The following CRIM1 variants were observed in gnomAD, a reference collection of about 807,000 sequenced individuals.
CRIM1 encodes cysteine rich transmembrane BMP regulator 1.
In CRIM1, 32 loss-of-function variants were observed where a neutral mutation model predicts 116.4. That is an observed-to-expected ratio of 0.27 (90% confidence interval 0.21 to 0.37). The LOEUF (loss-of-function observed/expected upper bound fraction) is 0.37, where lower values mean the gene tolerates loss of function less well. Among genes scored for constraint, CRIM1 ranks in the 10% least tolerant of loss-of-function variants. The pLI is 1.00. For synonymous variants in CRIM1, 590 were observed against 509.2 expected, an observed-to-expected ratio of 1.16 and a Z score of -2.13; for missense variants, 1,331 against 1,354.8, an observed-to-expected ratio of 0.98 and a Z score of 0.28.
chr2:36,417,743 T>C (rs1411628149), intron 2 of CRIM1, among the ~76,000 whole-genome samples: 1 of 152,162 alleles, frequency 6.6e-6, no homozygotes, highest in African/African-American at 2.4e-5. Context: ...CTCAAGAGGC[T>C]TCCAGTTTTC....
intron 2 of CRIM1, among the ~76,000 whole-genome samples, chr2:36,404,540 A>G (rs1672647508): frequency 6.6e-6 from 1 of 152,164 alleles, no homozygotes; most frequent in African/African-American, 2.4e-5. Flanking sequence ...GCATTTATTC[A>G]TGTATTCATT....
At chr2:36,372,173 TG>T (rs1483147508) in intron 1 of CRIM1, among the ~76,000 whole-genome samples, 1 of 152,004 alleles carries the variant, frequency 6.6e-6, no homozygotes, top group East Asian at 1.9e-4. Context: ...AACCTGAGGG[TG>T]GAAGTGTGTG....
chr2:36,514,540 C>G (rs774345349), intron 11 of CRIM1, among the ~76,000 whole-genome samples: 2 of 152,168 alleles, frequency 1.3e-5, no homozygotes, highest in Non-Finnish European at 2.9e-5. Flanking sequence ...GATTGACTGT[C>G]TTACCAAGAG....
chr2:36,470,171 G>C (rs1260387737), intron 5 of CRIM1, among the ~76,000 whole-genome samples: 2 of 152,176 alleles, frequency 1.3e-5, no homozygotes, highest in African/African-American at 2.4e-5. Context: ...CCTGAGTTTT[G>C]AAAACACTAG....
At chr2:36,390,930 C>T (rs1326790508) in intron 1 of CRIM1, among the ~76,000 whole-genome samples, 2 of 151,676 alleles carry the variant, frequency 1.3e-5, no homozygotes, top group Admixed American at 1.3e-4. Context: ...ATGCCTCAGC[C>T]TCCCAATTAG....
chr2:36,456,797 G>A (rs1027718533), intron 4 of CRIM1, among the ~76,000 whole-genome samples: 11 of 151,756 alleles, frequency 7.2e-5, no homozygotes, highest in East Asian at 1.9e-4. Context: ...ACCACCCACC[G>A]CTGGGGTTGA....
chr2:36,523,467 A>T (rs534160156), intron 13 of CRIM1, among the ~76,000 whole-genome samples: 1 of 152,208 alleles, frequency 6.6e-6, no homozygotes, highest in Non-Finnish European at 1.5e-5. Flanking sequence ...CTATGGACAT[A>T]AGCCAGATGC....
At chr2:36,421,038 A>G (rs1407934895) in intron 2 of CRIM1, among the ~76,000 whole-genome samples, 2 of 152,198 alleles carry the variant, frequency 1.3e-5, no homozygotes, top group East Asian at 3.8e-4. Context: ...AGGAAATTTT[A>G]TTGCAGTAGC....
intron 2 of CRIM1, among the ~76,000 whole-genome samples, chr2:36,437,934 C>T (rs1017525720): frequency 4.0e-5 from 6 of 151,802 alleles, no homozygotes; most frequent in Admixed American, 1.3e-4. Flanking sequence ...AAGATCGAGA[C>T]CAGCCCGGCC....
chr2:36,508,215 T>C (rs1363032315), intron 8 of CRIM1, among the ~76,000 whole-genome samples: 1 of 152,216 alleles, frequency 6.6e-6, no homozygotes, highest in Non-Finnish European at 1.5e-5. Flanking sequence ...AGGTTATATT[T>C]ATATGTGTAA....
At chr2:36,445,264 C>T (rs1676150107) in intron 4 of CRIM1, among the ~76,000 whole-genome samples, 1 of 152,202 alleles carries the variant, frequency 6.6e-6, no homozygotes, top group Non-Finnish European at 1.5e-5. Context: ...ACTTTTCCCC[C>T]AGTCCCCACT....
At chr2:36,450,655 C>T (rs767359102) in intron 4 of CRIM1, among the ~76,000 whole-genome samples, 1 of 152,168 alleles carries the variant, frequency 6.6e-6, no homozygotes, top group Non-Finnish European at 1.5e-5. Flanking sequence ...AACTCTGTAA[C>T]TCCAGGAAAG....
chr2:36,395,958 C>A (rs1671997982), intron 1 of CRIM1, among the ~76,000 whole-genome samples: 1 of 152,186 alleles, frequency 6.6e-6, no homozygotes, highest in Non-Finnish European at 1.5e-5. Flanking sequence ...GAGAGTCTCA[C>A]CCTGTTTCCC....
intron 11 of CRIM1, among the ~76,000 whole-genome samples, chr2:36,516,186 T>A (rs1232169344): frequency 6.6e-6 from 1 of 152,200 alleles, no homozygotes; most frequent in African/African-American, 2.4e-5. Flanking sequence ...TTGACTCTCA[T>A]GCTAACCACC....
intron 9 of CRIM1, among the ~76,000 whole-genome samples, chr2:36,510,400 GAGTCCT>G (rs375691902): frequency 9.3e-4 from 142 of 152,290 alleles, no homozygotes; most frequent in Middle Eastern, 6.8e-3. Context: ...TCCCATAGCA[GAGTCCT>G]TTAGACACTG....
chr2:36,441,116 C>G, intron 2 of CRIM1, 142 bp from the exon 3 acceptor site: 1 of 1,133,874 alleles, frequency 8.8e-7, no homozygotes, highest in Non-Finnish European at 1.2e-6. Flanking sequence ...GTTAGTTAAA[C>G]TAAGTTTGAA....
intron 7 of CRIM1, among the ~76,000 whole-genome samples, chr2:36,496,690 A>G (rs1251082970): frequency 6.6e-6 from 1 of 152,164 alleles, no homozygotes; most frequent in Non-Finnish European, 1.5e-5. Flanking sequence ...TATTGAACAT[A>G]TTTCCTCTCC....
chr2:36,511,953 C>T (rs1664717926), intron 9 of CRIM1, among the ~76,000 whole-genome samples: 1 of 152,204 alleles, frequency 6.6e-6, no homozygotes, highest in South Asian at 2.1e-4. Flanking sequence ...CTTCACTTTC[C>T]TATTCATGGA....
intron 7 of CRIM1, among the ~76,000 whole-genome samples, chr2:36,483,648 T>G (rs1025453506): frequency 6.6e-6 from 1 of 152,192 alleles, no homozygotes; most frequent in Non-Finnish European, 1.5e-5. Context: ...TCCATCCCCC[T>G]GTAAAGAAAG....
Sources: allele counts gnomAD v4.1 joint callset (sites outside exome capture counted in the v4.1 genomes callset), GRCh38; gene constraint gnomAD v4.1.1; transcripts MANE v1.5; gene names NCBI Gene and HGNC (gene_info 2026-07-23, HGNC 2026-07-21).